The following CFH variants were observed in gnomAD, a reference collection of about 807,000 sequenced individuals.
CFH encodes the protein H factor 1 (complement).
A neutral mutation model predicts 147.3 loss-of-function variants in CFH; 53 were observed. That is an observed-to-expected ratio of 0.36 (90% CI 0.29 to 0.45). The LOEUF (loss-of-function observed/expected upper bound fraction) is 0.45. Among genes scored for constraint, CFH ranks in the 20% least tolerant of loss-of-function variants. The pLI is 1.00. For missense variants in CFH, 1,380 were observed against 1,498.0 expected, an observed-to-expected ratio of 0.92 and a Z score of 1.30; for synonymous variants, 536 against 489.4, an observed-to-expected ratio of 1.10 and a Z score of -1.26.
intron 9 of CFH, among the ~76,000 whole-genome samples, chr1:196,692,899 C>CT (rs1441429121): frequency 0.02 from 2,671 of 133,724 alleles, 230 homozygotes; most frequent in African/African-American, 0.023. Context: ...CCCTCCCTCC[C>CT]TCCCTTCCTT....
Position 196,737,718 on chromosome 1 carries a change from CTT to C in CFH, c.2782+59_2782+60del, listed in dbSNP as rs1573076889. On this transcript the variant is annotated intron_variant, in intron 17 of 21. Coordinates refer to ENST00000367429, the MANE Select transcript of CFH (RefSeq NM_000186.4). ...ATAGTAGAATTCATAAAAATAATCT[CTT>C]GTTATCAAAGTGAGGGGAATAATTG... 5 of 1,439,326 alleles carry C rather than the reference CTT, an allele frequency of 3.5e-6. No homozygotes were observed. The Admixed American group carries it at 5.1e-5, about 15-fold the overall frequency. The allele number at this position is 1,439,326 out of a possible 1,614,324, so 89.2% of individuals were successfully genotyped here.
rs764583891 is a variant in CFH at position 196,736,973 on chromosome 1, G to A, written c.2563G>A (p.Asp855Asn). The change falls in exon 16 of 22, where the codon GAT (aspartate) becomes AAT (asparagine). Residue 855 changes from aspartate to asparagine, a missense_variant. Asp to Asn is a conservative substitution (Grantham distance 23). Coordinates refer to ENST00000367429, the MANE Select transcript of CFH (RefSeq NM_000186.4). ...IQEGEEITCKDGRWQSIPLCV... is the reference protein window; with the variant it reads ...IQEGEEITCKNGRWQSIPLCV... The stretch of plus-strand genomic sequence containing the variant: ...GGAAGGAGAAGAAATTACATGCAAA[G>A]ATGGAAGATGGCAGTCAATACCACT... The A allele has an allele frequency of 3.1e-6, 5 of 1,611,204 alleles. No homozygotes were observed. The highest frequency in any genetic ancestry group is 1.7e-5 in the Admixed American group (1 of 59,854).
chr1:196,671,648 T>C (rs1667283881), intron 1 of CFH, among the ~76,000 whole-genome samples: 1 of 149,472 alleles, frequency 6.7e-6, no homozygotes, highest in Non-Finnish European at 1.5e-5. Context: ...TATACACATA[T>C]ATATACATAA....
In CFH at chr1:196,741,968, C is replaced by G; in HGVS notation, c.3050C>G (p.Thr1017Ser). 1 of 1,614,172 alleles carries G rather than the reference C, an allele frequency of 6.2e-7. No individual in the cohort carries two copies. Among genetic ancestry groups the G allele is most frequent in the Non-Finnish European group, 8.5e-7 (1 of 1,180,014 alleles). Residue 1017 changes from threonine to serine, a missense_variant, in exon 19 of 22, where the codon ACT (threonine) becomes AGT (serine). Around this residue, in one of 4 missense-constraint regions of CFH, gnomAD observed 830 missense variants for 821.4 expected, o/e 1.01. Transcript: ENST00000367429. ...AAGGCGGGTGAGCAAGTGACTTACA[C>G]TTGTGCAACATATTACAAAATGGAT... ...VYKAGEQVTY[T>S]CATYYKMDGA...
chr1:196,722,711 T>C (rs544265549), intron 11 of CFH, among the ~76,000 whole-genome samples: 1 of 152,282 alleles, frequency 6.6e-6, no homozygotes, highest in South Asian at 2.1e-4. Context: ...AGAATATCTA[T>C]AACTCTTAAG....
At chr1:196,678,360 A>G (rs1192620442) in intron 5 of CFH, 3 of 152,088 alleles carry the variant, frequency 2.0e-5, no homozygotes, top group Non-Finnish European at 4.4e-5. Context: ...TGTGATAAAC[A>G]TCGTGGTTGA....
At chr1:196,695,572 A>T (rs912178546) in intron 9 of CFH, among the ~76,000 whole-genome samples, 1 of 152,124 alleles carries the variant, frequency 6.6e-6, no homozygotes, top group Middle Eastern at 3.2e-3. Flanking sequence ...TGGGAATAGC[A>T]TTGTATGTAT....
At chr1:196,652,221 T>C (rs1666525072) in intron 1 of CFH, 46 bp downstream of exon 1, 1 of 1,411,368 alleles carries the variant, frequency 7.1e-7, no homozygotes. Context: ...TTATGAAACA[T>C]TTGCTAATGA....
intron 1 of CFH, among the ~76,000 whole-genome samples, chr1:196,659,623 G>T (rs1666836659): frequency 6.6e-6 from 1 of 152,148 alleles, no homozygotes; most frequent in Admixed American, 6.5e-5. Context: ...TGCTGAAATT[G>T]CCAGGAGGAG....
chr1:196,746,637 G>T (rs1201832124), intron 21 of CFH, among the ~76,000 whole-genome samples: 1 of 151,998 alleles, frequency 6.6e-6, no homozygotes, highest in Non-Finnish European at 1.5e-5. Context: ...GGGTGTAGGT[G>T]GGTGTGTGAG....
At chr1:196,730,167 T>C (rs1669248949) in intron 15 of CFH, among the ~76,000 whole-genome samples, 1 of 151,916 alleles carries the variant, frequency 6.6e-6, no homozygotes, top group Non-Finnish European at 1.5e-5. Flanking sequence ...CTTTGAGGTG[T>C]ACTACTAGAC....
chr1:196,680,609 T>C (rs1437849262), intron 6 of CFH, among the ~76,000 whole-genome samples: 1 of 151,860 alleles, frequency 6.6e-6, no homozygotes, highest in Non-Finnish European at 1.5e-5. Flanking sequence ...TAAGTGGGTT[T>C]GCTTTTGATG....
At chr1:196,706,231 T>C (rs1668585748) in intron 9 of CFH, among the ~76,000 whole-genome samples, 1 of 152,150 alleles carries the variant, frequency 6.6e-6, no homozygotes, top group Non-Finnish European at 1.5e-5. Context: ...TTGTTGTCCA[T>C]GCTCATGGGG....
chr1:196,667,175 C>T (rs773668817), intron 1 of CFH, among the ~76,000 whole-genome samples: 23 of 152,068 alleles, frequency 1.5e-4, no homozygotes, highest in Non-Finnish European at 1.9e-4. Context: ...AAGAGGCATG[C>T]TGGTAAATGT....
intron 18 of CFH, chr1:196,741,021 T>C (rs574535611): frequency 5.6e-6 from 3 of 536,550 alleles, no homozygotes; most frequent in Non-Finnish European, 1.0e-5. Flanking sequence ...CTCTGATGTA[T>C]ATTCTCAGAC....
Position 196,721,549 on chromosome 1 carries a change from C to T in CFH, c.1697-3572C>T, listed in dbSNP as rs74137304. Among the ~76,000 whole-genome samples, 866 of 151,948 alleles carry T rather than the reference C, an allele frequency of 5.7e-3. 12 individuals are homozygous for T. The highest frequency in any genetic ancestry group is 0.02 in the African/African-American group (830 of 41,526). On this transcript the variant is annotated intron_variant, in intron 11 of 21. Transcript: ENST00000367429. Reference sequence around the variant, plus strand: ...ATTCTGAGGTTGTTGGGTGGAATGTCGTTAAAATGTCTGTTAGGTCCATTT... The same window carrying T: ...ATTCTGAGGTTGTTGGGTGGAATGTTGTTAAAATGTCTGTTAGGTCCATTT...
intron 9 of CFH, among the ~76,000 whole-genome samples, chr1:196,690,691 C>A (rs777737977): frequency 6.6e-6 from 1 of 152,104 alleles, no homozygotes; most frequent in South Asian, 2.1e-4. Context: ...GAAAGTGAAT[C>A]CCTGCCCCTG....
intron 1 of CFH, among the ~76,000 whole-genome samples, chr1:196,665,266 T>A (rs566960155): frequency 4.6e-4 from 70 of 151,544 alleles, no homozygotes; most frequent in African/African-American, 1.6e-3. Flanking sequence ...TAATTTTTAA[T>A]TAACAAAGTT....
At chr1:196,652,801 G>A (rs1666547784) in intron 1 of CFH, among the ~76,000 whole-genome samples, 1 of 151,740 alleles carries the variant, frequency 6.6e-6, no homozygotes, top group African/African-American at 2.4e-5. Context: ...ATATATTCTT[G>A]AAGAGCAGTC....
Sources: gnomAD v4.1 joint callset for allele counts (sites outside exome capture counted in the v4.1 genomes callset) on GRCh38, gnomAD v4.1.1 for gene constraint, gnomAD v4.1.1 regional missense constraint, MANE v1.5 for transcripts, NCBI Gene and HGNC (gene_info 2026-07-23, HGNC 2026-07-21) for gene names.